B3GALT1: variants seen among roughly 807,000 people sequenced by gnomAD.
B3GALT1 encodes the protein UDP-Gal:betaGlcNAc beta 1,3-galactosyltransferase, polypeptide 1.
A neutral mutation model predicts 23.2 loss-of-function variants in B3GALT1; 10 were observed. The ratio of observed to expected loss-of-function variants is 0.43; its 90% CI spans 0.27 to 0.73. The LOEUF (loss-of-function observed/expected upper bound fraction) is 0.73, where lower values mean the gene tolerates loss of function less well. B3GALT1 is among the 30% of genes least tolerant of loss of function. The probability of loss-of-function intolerance (pLI) is 0.21; values close to 1 mark genes in which losing one functional copy is unlikely to be tolerated. For missense variants in B3GALT1, 299 were observed against 405.4 expected, an observed-to-expected ratio of 0.74 and a Z score of 2.25; for synonymous variants, 156 against 141.5, an observed-to-expected ratio of 1.10 and a Z score of -0.73.
intron 3 of B3GALT1, among the ~76,000 whole-genome samples, chr2:167,690,195 A>C (rs1229639154): frequency 6.6e-6 from 1 of 152,056 alleles, no homozygotes; most frequent in African/African-American, 2.4e-5. Context: ...AAATGTTGAA[A>C]ATTTATGATT....
chr2:167,565,795 A>G (rs576282237), intron 2 of B3GALT1, among the ~76,000 whole-genome samples: 1 of 152,278 alleles, frequency 6.6e-6, no homozygotes, highest in East Asian at 1.9e-4. Flanking sequence ...TCAAAACCAC[A>G]ATGAGATACC....
chr2:167,800,344 CAAAT>C (rs1688618349), intron 3 of B3GALT1, among the ~76,000 whole-genome samples: 2 of 152,146 alleles, frequency 1.3e-5, no homozygotes, highest in African/African-American at 4.8e-5. Context: ...TCCCCACAAT[CAAAT>C]AATCTCTGGA....
intron 1 of B3GALT1, among the ~76,000 whole-genome samples, chr2:167,442,174 C>T (rs1698905522): frequency 6.6e-6 from 1 of 152,014 alleles, no homozygotes; most frequent in Non-Finnish European, 1.5e-5. Flanking sequence ...ATGATGATTT[C>T]CAATTTCATC....
intron 3 of B3GALT1, among the ~76,000 whole-genome samples, chr2:167,728,650 A>T (rs550774165): frequency 6.6e-6 from 1 of 152,300 alleles, no homozygotes; most frequent in Non-Finnish European, 1.5e-5. Flanking sequence ...TCCCAGTTTC[A>T]TGAATGTTAA....
At position 167,868,878 on chromosome 2, in the gene B3GALT1, G is replaced by C; in HGVS notation, c.-162G>C. ...TTTGGAAGAAAGTAGAATGAGCGCA[G>C]AGGTGACAGACAGCCACTGAGGCCC... On this transcript the variant is annotated 5_prime_UTR_variant, in exon 5 of 5. Coordinates refer to ENST00000392690, the MANE Select transcript of B3GALT1 (RefSeq NM_020981.4). 1 of 751,568 alleles carries C rather than the reference G, an allele frequency of 1.3e-6. No individual in the cohort carries two copies. Among genetic ancestry groups the C allele is most frequent in the Non-Finnish European group, 2.1e-6 (1 of 471,604 alleles). The allele number at this position is 751,568 out of a possible 1,614,324, so 46.6% of individuals were successfully genotyped here. A position where few individuals can be genotyped will look rare whatever the true frequency, so the allele number is the denominator to read the frequency against.
At chr2:167,441,427 C>T (rs1365332606) in intron 1 of B3GALT1, among the ~76,000 whole-genome samples, 1 of 152,170 alleles carries the variant, frequency 6.6e-6, no homozygotes, top group African/African-American at 2.4e-5. Flanking sequence ...GTCTCTGCTG[C>T]CTCAGGTCTT....
intron 4 of B3GALT1, among the ~76,000 whole-genome samples, chr2:167,834,844 A>G (rs1298291906): frequency 2.0e-5 from 3 of 151,626 alleles, no homozygotes; most frequent in Admixed American, 2.0e-4. Context: ...GCAAAACTCC[A>G]CCTCAAAAAA....
At chr2:167,781,272 A>T (rs984125899) in intron 3 of B3GALT1, among the ~76,000 whole-genome samples, 13 of 152,178 alleles carry the variant, frequency 8.5e-5, no homozygotes, top group Admixed American at 3.9e-4. Context: ...AGAATGATGG[A>T]CCATTTTTTG....
intron 1 of B3GALT1, among the ~76,000 whole-genome samples, chr2:167,443,736 G>C (rs1698934138): frequency 6.6e-6 from 1 of 152,188 alleles, no homozygotes; most frequent in African/African-American, 2.4e-5. Flanking sequence ...AGACTTTGCT[G>C]AAGTTGCTTA....
chr2:167,663,886 G>A (rs1360403725), intron 3 of B3GALT1, among the ~76,000 whole-genome samples: 41 of 151,862 alleles, frequency 2.7e-4, no homozygotes, highest in African/African-American at 7.7e-4. Context: ...AGTAGGTTGC[G>A]AAAATTTTCT....
At chr2:167,400,231 C>T (rs1283323134) in intron 1 of B3GALT1, among the ~76,000 whole-genome samples, 1 of 149,712 alleles carries the variant, frequency 6.7e-6, no homozygotes, top group Non-Finnish European at 1.5e-5. Flanking sequence ...GGCCTTTCCT[C>T]ATTCATTCTG....
intron 1 of B3GALT1, among the ~76,000 whole-genome samples, chr2:167,430,685 A>G (rs1246007323): frequency 2.6e-5 from 4 of 152,168 alleles, no homozygotes; most frequent in Admixed American, 1.3e-4. Flanking sequence ...AAATAGAAGA[A>G]TGGAGTTGAT....
chr2:167,539,008 A>T lies in B3GALT1; in HGVS notation c.-410+48731A>T, dbSNP rs375597931. ...GTTACTTGTATAAAAAATTCAAATG[A>T]AACATCCGATTATACTTAGTTTATA... is the stretch of plus-strand genomic sequence containing the variant. On this transcript the variant is annotated intron_variant, in intron 2 of 4. Coordinates refer to ENST00000392690, the MANE Select transcript of B3GALT1 (RefSeq NM_020981.4). 2.0e-5 allele frequency among the ~76,000 whole-genome samples: 3 copies of T among 152,330 alleles called. No homozygotes were observed. In the South Asian group the frequency reaches 6.2e-4, roughly 32 times the overall value.
At chr2:167,711,154 T>C (rs1451311065) in intron 3 of B3GALT1, among the ~76,000 whole-genome samples, 2 of 152,090 alleles carry the variant, frequency 1.3e-5, no homozygotes, top group Non-Finnish European at 2.9e-5. Context: ...TGCATCTACT[T>C]GGAATGCTCT....
In B3GALT1 at chr2:167,297,841, T is replaced by C. The variant is rs117750857; in HGVS notation, c.-511+4507T>C. 1.7e-3 allele frequency among the ~76,000 whole-genome samples: 252 copies of C among 152,202 alleles called. 9 individuals carry two copies. In the East Asian group the frequency reaches 0.046, roughly 28 times the overall value. On this transcript the variant is annotated intron_variant, in intron 1 of 4. Transcript: ENST00000392690. ...TAGCACATAATGAATTAGTGCCAAC[T>C]TATTCACAGGTCGTATGATTACAGG...
chr2:167,642,164 C>T (rs1685663824), intron 2 of B3GALT1, among the ~76,000 whole-genome samples: 1 of 152,162 alleles, frequency 6.6e-6, no homozygotes, highest in Admixed American at 6.5e-5. Flanking sequence ...CAGAGCTCAA[C>T]AGCCATCACA....
intron 1 of B3GALT1, among the ~76,000 whole-genome samples, chr2:167,455,009 C>A (rs1699147201): frequency 6.6e-6 from 1 of 152,178 alleles, no homozygotes; most frequent in Non-Finnish European, 1.5e-5. Context: ...CCCTGAAGAA[C>A]ATGTTTAAAA....
At chr2:167,637,280 G>A (rs1685572802) in intron 2 of B3GALT1, among the ~76,000 whole-genome samples, 1 of 151,972 alleles carries the variant, frequency 6.6e-6, no homozygotes, top group South Asian at 2.1e-4. Flanking sequence ...ACATCATGGG[G>A]ATTCTTCTGT....
chr2:167,494,358 A>G (rs58329901), intron 2 of B3GALT1, among the ~76,000 whole-genome samples: 7,114 of 151,970 alleles, frequency 0.047, 548 homozygotes, highest in African/African-American at 0.16. Context: ...GATATCAGTT[A>G]TGATATTTAT....
Sources: allele counts gnomAD v4.1 joint callset (sites outside exome capture counted in the v4.1 genomes callset), GRCh38; gene constraint gnomAD v4.1.1; transcripts MANE v1.5; gene names NCBI Gene and HGNC (gene_info 2026-07-23, HGNC 2026-07-21).